GABRA3: variants seen among roughly 807,000 people sequenced by gnomAD.
The protein encoded by GABRA3 is gamma-aminobutyric acid receptor subunit alpha-3.
A neutral mutation model predicts 30.1 loss-of-function variants in GABRA3; 10 were observed. The ratio of observed to expected loss-of-function variants is 0.33; its 90% CI spans 0.20 to 0.56. The LOEUF (loss-of-function observed/expected upper bound fraction) is 0.56. GABRA3 is among the 20% of genes least tolerant of loss of function. The pLI, the probability that GABRA3 is intolerant of heterozygous loss-of-function variation, is 0.89. For missense variants in GABRA3, 233 were observed against 392.0 expected, an observed-to-expected ratio of 0.59 and a Z score of 3.42; for synonymous variants, 151 against 146.8, an observed-to-expected ratio of 1.03 and a Z score of -0.21.
intron 4 of GABRA3, among the ~76,000 whole-genome samples, chrX:152,259,969 C>T (rs956951033): frequency 1.8e-5 from 2 of 110,770 alleles, no homozygotes; most frequent in African/African-American, 6.6e-5. Context: ...GGTTCCTGGA[C>T]AGCATTTCTG....
chrX:152,427,047 C>T (rs771112575), intron 1 of GABRA3, among the ~76,000 whole-genome samples: 49 of 111,595 alleles, frequency 4.4e-4, no homozygotes, highest in Middle Eastern at 4.7e-3. Context: ...CCCAATACGG[C>T]AGGTATGTTA....
intron 6 of GABRA3, among the ~76,000 whole-genome samples, chrX:152,210,656 T>C (rs906908594): frequency 8.9e-6 from 1 of 112,553 alleles, no homozygotes; most frequent in East Asian, 2.8e-4. Flanking sequence ...ATCTCACAAA[T>C]TTAAAATCTT....
chrX:152,360,446 A>G (rs1928448796), intron 2 of GABRA3, among the ~76,000 whole-genome samples: 1 of 102,689 alleles, frequency 9.7e-6, no homozygotes, highest in African/African-American at 3.6e-5. Context: ...CATGTGTTTT[A>G]ACAAAAAACC....
intron 4 of GABRA3, among the ~76,000 whole-genome samples, chrX:152,267,659 AT>A (rs1938851588): frequency 9.0e-6 from 1 of 111,254 alleles, no homozygotes; most frequent in East Asian, 2.8e-4. Context: ...GACAGGAGAA[AT>A]TTTATTATAG....
At chrX:152,386,455 AAAAC>A (rs1424847817) in intron 1 of GABRA3, among the ~76,000 whole-genome samples, 3 of 111,141 alleles carry the variant, frequency 2.7e-5, no homozygotes, top group Non-Finnish European at 3.8e-5. Context: ...TTACAAGAAA[AAAAC>A]AAACAACCCC....
chrX:152,233,026 G>A (rs1268975305), intron 5 of GABRA3, among the ~76,000 whole-genome samples: 2 of 110,287 alleles, frequency 1.8e-5, no homozygotes, highest in Non-Finnish European at 3.8e-5. Flanking sequence ...TCTGACTGGT[G>A]GAAAATGGTA....
intron 5 of GABRA3, among the ~76,000 whole-genome samples, chrX:152,225,432 G>GCGCACA (rs35196156): frequency 0.014 from 1,320 of 96,481 alleles, 28 homozygotes; most frequent in African/African-American, 0.036. Context: ...ACACACACAC[G>GCGCACA]CACACACACA....
intron 4 of GABRA3, among the ~76,000 whole-genome samples, chrX:152,277,254 T>C (rs1482912084): frequency 9.8e-6 from 1 of 102,415 alleles, no homozygotes; most frequent in Admixed American, 1.0e-4. Flanking sequence ...TACTCTCCTT[T>C]TAATTAACAG....
At chrX:152,244,757 T>C (rs1938435583) in intron 5 of GABRA3, among the ~76,000 whole-genome samples, 1 of 111,511 alleles carries the variant, frequency 9.0e-6, no homozygotes, top group Non-Finnish European at 1.9e-5. Context: ...CTAGCACATA[T>C]TCCTTATCCA....
At chrX:152,184,145 T>G in intron 9 of GABRA3, among the ~76,000 whole-genome samples, 1 of 111,751 alleles carries the variant, frequency 8.9e-6, no homozygotes, top group East Asian at 2.8e-4. Context: ...CTTATTTTAT[T>G]AATATATTTA....
chrX:152,353,575 A>T (rs1940508742), intron 2 of GABRA3, among the ~76,000 whole-genome samples: 1 of 111,709 alleles, frequency 9.0e-6, no homozygotes, highest in African/African-American at 3.2e-5. Context: ...CCAACCTGAG[A>T]ACCATTTATA....
intron 1 of GABRA3, among the ~76,000 whole-genome samples, chrX:152,385,309 G>C (rs1393316878): frequency 9.0e-6 from 1 of 111,694 alleles, no homozygotes; most frequent in African/African-American, 3.3e-5. Flanking sequence ...AATTGTTAAA[G>C]CATGTTCATA....
At chrX:152,328,724 C>A (rs1265447015) in intron 3 of GABRA3, among the ~76,000 whole-genome samples, 1 of 111,452 alleles carries the variant, frequency 9.0e-6, no homozygotes, top group Non-Finnish European at 1.9e-5. Flanking sequence ...CTATTTATGA[C>A]AAACCCACAG....
chrX:152,422,319 AATATT>A (rs768175517), intron 1 of GABRA3, among the ~76,000 whole-genome samples: 79 of 111,492 alleles, frequency 7.1e-4, no homozygotes, highest in African/African-American at 2.4e-3. Flanking sequence ...GAGTATAAAG[AATATT>A]ATTCGACTTA....
chrX:152,396,021 C>T (rs1158114410), intron 1 of GABRA3, among the ~76,000 whole-genome samples: 1 of 111,991 alleles, frequency 8.9e-6, no homozygotes, highest in Non-Finnish European at 1.9e-5. Flanking sequence ...ACTCCCAGTA[C>T]CTGTGGATGT....
chrX:152,233,759 C>T (rs796139241), intron 5 of GABRA3, among the ~76,000 whole-genome samples: 14 of 103,946 alleles, frequency 1.3e-4, no homozygotes, highest in East Asian at 3.1e-4. Flanking sequence ...ATGTTTATTG[C>T]GGCATTATTC....
Position 152,240,562 on chromosome X carries a change from T to C in GABRA3, c.551+15216A>G, listed in dbSNP as rs987689018. ...GGCCTGCCTTGCTAGATTGGGGAAG[T>C]TCTCCTGGATAATATCCTGCAGAGT... On this transcript the variant is annotated intron_variant, in intron 5 of 9. Transcript: ENST00000370314. 3.3e-5 allele frequency among the ~76,000 whole-genome samples: 3 copies of C among 91,818 alleles called. 1 individual carries two copies. The highest frequency in any genetic ancestry group is 1.4e-4 in the African/African-American group (3 of 20,785). The allele number at this position is 91,818 out of a possible 115,157, so 79.7% of individuals were successfully genotyped here.
Position 152,226,289 on chromosome X carries a change from A to G in GABRA3, c.552-1444T>C, listed in dbSNP as rs372792949. ...ATTTCTTGTCAAATTACAGACATCC[A>G]TGTGTCTATGAAGGCATAGAAGGTT... On this transcript the variant is annotated intron_variant, in intron 5 of 9. Transcript: ENST00000370314. 1.0e-3 allele frequency among the ~76,000 whole-genome samples: 117 copies of G among 111,931 alleles called. 1 individual carries two copies. Among genetic ancestry groups the G allele is most frequent in the African/African-American group, 3.4e-3 (105 of 30,851 alleles).
At chrX:152,355,894 ACT>A (rs1417961703) in intron 2 of GABRA3, among the ~76,000 whole-genome samples, 1 of 111,524 alleles carries the variant, frequency 9.0e-6, no homozygotes, top group East Asian at 2.8e-4. Flanking sequence ...AGTTGAAATT[ACT>A]CTCTGTAGCT....
Sources: gnomAD v4.1 joint callset for allele counts (sites outside exome capture counted in the v4.1 genomes callset) on GRCh38, gnomAD v4.1.1 for gene constraint, MANE v1.5 for transcripts, NCBI Gene and HGNC (gene_info 2026-07-23, HGNC 2026-07-21) for gene names.